Variants in GABRB3 observed in about 807,000 individuals in gnomAD.
GABRB3 encodes the protein gamma-aminobutyric acid receptor subunit beta-3.
In GABRB3, 14 loss-of-function variants were observed where a neutral mutation model predicts 52.1. That is an observed-to-expected ratio of 0.27 (90% CI 0.18 to 0.42). The LOEUF (loss-of-function observed/expected upper bound fraction) is 0.42. Ranked by LOEUF, GABRB3 falls within the 10% of genes least tolerant of loss-of-function variation. The pLI is 1.00. For missense variants in GABRB3, 307 were observed against 609.1 expected (o/e 0.50, Z 5.22); for synonymous variants, 260 against 232.3 (o/e 1.12, Z -1.08).
chr15:26,764,971 C>T (rs1024053739), intron 3 of GABRB3, among the ~76,000 whole-genome samples: 2 of 151,790 alleles, frequency 1.3e-5, no homozygotes, highest in Non-Finnish European at 2.9e-5. Flanking sequence ...TCTACTAAAA[C>T]CACAAAAAGT....
At chr15:26,627,620 A>G (rs1007972163) in intron 3 of GABRB3, among the ~76,000 whole-genome samples, 2 of 152,114 alleles carry the variant, frequency 1.3e-5, no homozygotes, top group African/African-American at 4.8e-5. Flanking sequence ...TGGTGGGAAT[A>G]GCAACAGAAC....
At chr15:26,698,183 G>A (rs1888805299) in intron 3 of GABRB3, among the ~76,000 whole-genome samples, 4 of 152,168 alleles carry the variant, frequency 2.6e-5, no homozygotes, top group South Asian at 4.1e-4. Flanking sequence ...GGAGGAAAGC[G>A]GACAGATGGA....
intron 7 of GABRB3, among the ~76,000 whole-genome samples, chr15:26,562,842 C>T (rs1270283146): frequency 6.6e-6 from 1 of 152,020 alleles, no homozygotes; most frequent in African/African-American, 2.4e-5. Flanking sequence ...TTGAGAAACT[C>T]TTTTTATGTA....
chr15:26,584,071 T>A (rs1890889172), intron 4 of GABRB3, among the ~76,000 whole-genome samples: 1 of 152,202 alleles, frequency 6.6e-6, no homozygotes, highest in Admixed American at 6.5e-5. Flanking sequence ...CCACCGCACC[T>A]GGCCTGTATC....
chr15:26,715,475 A>G (rs188397746), intron 3 of GABRB3, among the ~76,000 whole-genome samples: 2 of 152,254 alleles, frequency 1.3e-5, no homozygotes, highest in East Asian at 1.9e-4. Context: ...ACACGATGTA[A>G]TAAGACTTGC....
At chr15:26,747,742 G>T (rs1022642561) in intron 3 of GABRB3, among the ~76,000 whole-genome samples, 4 of 152,096 alleles carry the variant, frequency 2.6e-5, no homozygotes, top group Admixed American at 2.0e-4. Flanking sequence ...AAATAAGATA[G>T]GTGAAAGTGG....
chr15:26,717,723 G>C (rs1369146157), intron 3 of GABRB3, among the ~76,000 whole-genome samples: 1 of 152,078 alleles, frequency 6.6e-6, no homozygotes, highest in African/African-American at 2.4e-5. Context: ...GTTTTCCCTT[G>C]CTCCATATTT....
chr15:26,549,484 T>C (rs1178735571), intron 8 of GABRB3, among the ~76,000 whole-genome samples: 1 of 152,122 alleles, frequency 6.6e-6, no homozygotes, highest in African/African-American at 2.4e-5. Context: ...TTCATTATGC[T>C]TGGGGAAAGT....
intron 6 of GABRB3, 33 bp from the exon 7 acceptor site, chr15:26,567,766 G>A (rs2093713405): frequency 6.2e-7 from 1 of 1,607,702 alleles, no homozygotes. Context: ...TTACACTGGA[G>A]AAACAACATG....
At chr15:26,620,225 G>C (rs1352300304) in intron 4 of GABRB3, among the ~76,000 whole-genome samples, 2 of 152,148 alleles carry the variant, frequency 1.3e-5, no homozygotes. Context: ...TGGTTGACAT[G>C]TGCCACTTAA....
chr15:26,736,090 G>C (rs563357268), intron 3 of GABRB3, among the ~76,000 whole-genome samples: 1 of 152,158 alleles, frequency 6.6e-6, no homozygotes, highest in East Asian at 1.9e-4. Context: ...GAGGTGTGCA[G>C]AGTTACTATT....
chr15:26,702,123 C>T (rs1233979407), intron 3 of GABRB3, among the ~76,000 whole-genome samples: 2 of 152,044 alleles, frequency 1.3e-5, no homozygotes, highest in East Asian at 3.9e-4. Context: ...AATGTAAAAC[C>T]TAAAACTATA....
At chr15:26,574,786 T>C (rs534997988) in intron 6 of GABRB3, among the ~76,000 whole-genome samples, 1 of 152,284 alleles carries the variant, frequency 6.6e-6, no homozygotes, top group East Asian at 1.9e-4. Flanking sequence ...TTTGGGGTGA[T>C]AAAAATATTC....
chr15:26,758,773 GAAAAAAAGA>G (rs1890730521), intron 3 of GABRB3, among the ~76,000 whole-genome samples: 1 of 145,964 alleles, frequency 6.9e-6, no homozygotes, highest in Non-Finnish European at 1.5e-5. Context: ...AAGAGAAAAA[GAAAAAAAGA>G]AAAAAAAACA....
chr15:26,706,238 C>T (rs1889097016), intron 3 of GABRB3, among the ~76,000 whole-genome samples: 1 of 152,154 alleles, frequency 6.6e-6, no homozygotes, highest in Admixed American at 6.5e-5. Flanking sequence ...TTGAACCTGG[C>T]ACAGCGCCTG....
intron 3 of GABRB3, among the ~76,000 whole-genome samples, chr15:26,706,233 C>A (rs1340601589): frequency 6.6e-6 from 1 of 152,168 alleles, no homozygotes; most frequent in Non-Finnish European, 1.5e-5. Flanking sequence ...AAAAATTGAA[C>A]CTGGCACAGC....
chr15:26,684,654 C>T (rs1219627974), intron 3 of GABRB3, among the ~76,000 whole-genome samples: 3 of 152,086 alleles, frequency 2.0e-5, no homozygotes, highest in African/African-American at 7.2e-5. Flanking sequence ...ATTAACTGGC[C>T]TATTTCCGAT....
chr15:26,564,890 A>T (rs1890109555), intron 7 of GABRB3, among the ~76,000 whole-genome samples: 1 of 152,202 alleles, frequency 6.6e-6, no homozygotes. Flanking sequence ...TTTTACTGAC[A>T]CTTTAGGAAT....
intron 6 of GABRB3, among the ~76,000 whole-genome samples, chr15:26,574,912 A>G (rs1259451496): frequency 6.6e-6 from 1 of 152,238 alleles, no homozygotes; most frequent in Non-Finnish European, 1.5e-5. Flanking sequence ...TAGATCCATT[A>G]TAAGGAAAAA....
Sources: allele counts gnomAD v4.1 joint callset (sites outside exome capture counted in the v4.1 genomes callset), GRCh38; gene constraint gnomAD v4.1.1; transcripts MANE v1.5; gene names NCBI Gene and HGNC (gene_info 2026-07-23, HGNC 2026-07-21).